RBFOX1: variants seen among roughly 807,000 people sequenced by gnomAD.
RBFOX1 encodes RNA binding protein fox-1 homolog 1.
A neutral mutation model predicts 57.7 loss-of-function variants in RBFOX1; 8 were observed. The ratio of observed to expected loss-of-function variants is 0.14; its 90% confidence interval spans 0.08 to 0.25. The LOEUF (loss-of-function observed/expected upper bound fraction) is 0.25. Among genes scored for constraint, RBFOX1 ranks in the 10% least tolerant of loss-of-function variants. The probability of loss-of-function intolerance (pLI) is 1.00; values close to 1 mark genes in which losing one functional copy is unlikely to be tolerated. For missense variants in RBFOX1, 611 were observed against 548.5 expected, an observed-to-expected ratio of 1.11 and a Z score of -1.14; for synonymous variants, 326 against 222.4, an observed-to-expected ratio of 1.47 and a Z score of -4.15.
intron 2 of RBFOX1, among the ~76,000 whole-genome samples, chr16:6,629,409 A>T (rs551057532): frequency 6.6e-6 from 1 of 152,208 alleles, no homozygotes; most frequent in Admixed American, 6.5e-5. Context: ...AACAGCTACA[A>T]TTTTTCAAAG....
chr16:5,693,256 CTG>C (rs946011326), intron 3 of RBFOX1, among the ~76,000 whole-genome samples: 31 of 151,858 alleles, frequency 2.0e-4, no homozygotes, highest in African/African-American at 7.0e-4. Context: ...GAGATGAAAA[CTG>C]TGGGTAATGA....
At chr16:5,974,589 G>T (rs547225128) in intron 4 of RBFOX1, among the ~76,000 whole-genome samples, 102 of 152,038 alleles carry the variant, frequency 6.7e-4, no homozygotes, top group African/African-American at 2.3e-3. Flanking sequence ...GAGCCTGGGC[G>T]ACAGAGCGAA....
chr16:5,825,885 G>A (rs1021771894), intron 3 of RBFOX1, among the ~76,000 whole-genome samples: 16 of 87,380 alleles, frequency 1.8e-4, no homozygotes, highest in African/African-American at 7.1e-4. Context: ...TCCGTAATAT[G>A]AATAAGGAAT....
chr16:6,367,219 C>G (rs2089766525), intron 2 of RBFOX1, among the ~76,000 whole-genome samples: 1 of 152,034 alleles, frequency 6.6e-6, no homozygotes, highest in Admixed American at 6.6e-5. Flanking sequence ...CATTATGTCA[C>G]TGTAGGTTTA....
chr16:6,936,954 A>AG (rs2077470648), intron 3 of RBFOX1, among the ~76,000 whole-genome samples: 1 of 60,646 alleles, frequency 1.6e-5, no homozygotes. Flanking sequence ...GGGTGGGGGG[A>AG]GGGGGGAGGG....
At chr16:6,675,254 C>G (rs752252462) in intron 3 of RBFOX1, among the ~76,000 whole-genome samples, 3 of 152,166 alleles carry the variant, frequency 2.0e-5, no homozygotes, top group Non-Finnish European at 4.4e-5. Flanking sequence ...TTGCACCATC[C>G]CTAGGGAACT....
At chr16:6,693,235 A>G (rs1295682519) in intron 3 of RBFOX1, among the ~76,000 whole-genome samples, 17 of 151,748 alleles carry the variant, frequency 1.1e-4, no homozygotes, top group African/African-American at 3.9e-4. Flanking sequence ...CTCCTCCACT[A>G]CCATCACCAC....
chr16:6,664,285 C>G (rs2098718862), intron 3 of RBFOX1, among the ~76,000 whole-genome samples: 1 of 152,176 alleles, frequency 6.6e-6, no homozygotes, highest in Admixed American at 6.5e-5. Flanking sequence ...TGTCAATCAT[C>G]TTCAGATTAG....
At chr16:6,471,109 C>G (rs1001300953) in intron 2 of RBFOX1, among the ~76,000 whole-genome samples, 12 of 152,254 alleles carry the variant, frequency 7.9e-5, no homozygotes, top group East Asian at 3.9e-4. Flanking sequence ...TACCTGTGCC[C>G]CCTTTCCCTG....
intron 3 of RBFOX1, among the ~76,000 whole-genome samples, chr16:6,714,623 G>C (rs185199412): frequency 1.3e-5 from 2 of 152,078 alleles, no homozygotes; most frequent in Non-Finnish European, 2.9e-5. Flanking sequence ...AAGAAATGCA[G>C]GTATTGAAGA....
At chr16:5,806,494 G>A (rs2055231581) in intron 3 of RBFOX1, among the ~76,000 whole-genome samples, 1 of 152,140 alleles carries the variant, frequency 6.6e-6, no homozygotes, top group African/African-American at 2.4e-5. Flanking sequence ...GGCTGTGCTT[G>A]CCAAAGGCCC....
At chr16:5,574,501 C>T (rs969956463) in intron 2 of RBFOX1, among the ~76,000 whole-genome samples, 2 of 151,996 alleles carry the variant, frequency 1.3e-5, no homozygotes, top group East Asian at 1.9e-4. Flanking sequence ...CTGCAACCTC[C>T]ACCTCCCGGG....
intron 4 of RBFOX1, among the ~76,000 whole-genome samples, chr16:7,394,764 C>G (rs1303394741): frequency 3.9e-5 from 6 of 152,156 alleles, no homozygotes; most frequent in Non-Finnish European, 8.8e-5. Context: ...CTCATCCAGG[C>G]AAGTCACTCT....
chr16:7,290,964 A>G (rs1411558695), intron 4 of RBFOX1, among the ~76,000 whole-genome samples: 2 of 152,224 alleles, frequency 1.3e-5, no homozygotes, highest in Non-Finnish European at 2.9e-5. Flanking sequence ...ATTGCAAAAC[A>G]TACAAGAATG....
chr16:5,282,247 C>T (rs972140789), intron 1 of RBFOX1, among the ~76,000 whole-genome samples: 11 of 152,180 alleles, frequency 7.2e-5, no homozygotes, highest in Non-Finnish European at 1.5e-4. Context: ...GCCTCCCCAG[C>T]AATGTAGAAC....
At chr16:6,154,217 C>G (rs553239694) in intron 1 of RBFOX1, among the ~76,000 whole-genome samples, 38 of 152,230 alleles carry the variant, frequency 2.5e-4, no homozygotes, top group Non-Finnish European at 4.6e-4. Context: ...GTAACTGTCA[C>G]ATTACTTGCC....
At chr16:6,886,953 T>G (rs1483094813) in intron 3 of RBFOX1, among the ~76,000 whole-genome samples, 1 of 150,586 alleles carries the variant, frequency 6.6e-6, no homozygotes, top group East Asian at 2.0e-4. Context: ...TGTAATCAAT[T>G]TAAAATAACA....
At chr16:6,231,221 T>TGTGTGTGTGTGTGTGTAG (rs2097456991) in intron 1 of RBFOX1, among the ~76,000 whole-genome samples, 1 of 96,408 alleles carries the variant, frequency 1.0e-5, no homozygotes, top group Non-Finnish European at 2.4e-5. Flanking sequence ...TGTGTTTGTG[T>TGTGTGTGTGTGTGTGTAG]GTGTGTGTGT....
chr16:7,052,290 G>A (rs1013967525), intron 4 of RBFOX1, among the ~76,000 whole-genome samples, 192 bp downstream of exon 4: 2 of 152,196 alleles, frequency 1.3e-5, no homozygotes, highest in Admixed American at 1.3e-4. Context: ...CTTTGGAAGT[G>A]CCGTTATAGT....
Sources: gnomAD v4.1 joint callset for allele counts (sites outside exome capture counted in the v4.1 genomes callset) on GRCh38, gnomAD v4.1.1 for gene constraint, MANE v1.5 for transcripts, NCBI Gene and HGNC (gene_info 2026-07-23, HGNC 2026-07-21) for gene names.